The following LPL variants were observed in gnomAD, a reference collection of about 807,000 sequenced individuals.
LPL encodes lipoprotein lipase, also known as phospholipase A1.
Under a neutral mutation model 52.2 loss-of-function variants are expected in LPL, and 43 were observed. That is an observed-to-expected ratio of 0.82 (90% confidence interval 0.64 to 1.06). The LOEUF (loss-of-function observed/expected upper bound fraction) is 1.06, where lower values mean the gene tolerates loss of function less well. Ranked by LOEUF, LPL falls within the 50% of genes least tolerant of loss-of-function variation. The probability of loss-of-function intolerance (pLI) is 0.00; values close to 1 mark genes in which losing one functional copy is unlikely to be tolerated. For missense variants in LPL, 639 were observed against 585.3 expected (o/e 1.09, Z -0.95); for synonymous variants, 244 against 215.6 (o/e 1.13, Z -1.15).
rs1483010243 is a variant in LPL, at chr8:19,966,124, A to G, written c.*814A>G. On this transcript the variant is annotated 3_prime_UTR_variant, in exon 10 of 10. Coordinates refer to ENST00000650287, the MANE Select transcript of LPL (RefSeq NM_000237.3). ...CTGACACATAATTTGAATGGTGCAG[A>G]AAAAAAAAAAGAAACCGTAATTTTA... The G allele has an allele frequency of 1.4e-5, 2 of 147,324 alleles. No individual in the cohort carries two copies. Among genetic ancestry groups the G allele is most frequent in the Admixed American group, 6.8e-5 (1 of 14,724 alleles). 9.1% of individuals were successfully genotyped at this position (147,324 alleles called of 1,614,324 possible). A position where few individuals can be genotyped will look rare whatever the true frequency, so the allele number is the denominator to read the frequency against.
At position 19,965,338 on chromosome 8, in the gene LPL, C is replaced by G; in HGVS notation, c.*28C>G. On this transcript the variant is annotated 3_prime_UTR_variant, in exon 10 of 10. Coordinates refer to ENST00000650287, the MANE Select transcript of LPL (RefSeq NM_000237.3). ...CTGGGCGAATCTACAGAACAAAGAA[C>G]GGCATGTGAATTCTGTGAAGAATGA... 2.6e-6 allele frequency: 2 copies of G among 780,442 alleles called. No homozygotes were observed. Among genetic ancestry groups the G allele is most frequent in the Non-Finnish European group, 4.8e-6 (2 of 417,844 alleles). 48.3% of individuals were successfully genotyped at this position (780,442 alleles called of 1,614,324 possible).
intron 3 of LPL, among the ~76,000 whole-genome samples, chr8:19,952,731 C>A (rs2069946521): frequency 6.6e-6 from 1 of 152,144 alleles, no homozygotes; most frequent in Non-Finnish European, 1.5e-5. Flanking sequence ...GGCTTCTCAC[C>A]TGTTAAATGA....
chr8:19,958,224 G>A (rs1333164695), intron 6 of LPL, among the ~76,000 whole-genome samples: 1 of 152,046 alleles, frequency 6.6e-6, no homozygotes, highest in Non-Finnish European at 1.5e-5. Context: ...GTTTCACCAT[G>A]TTGGCCAAGC....
chr8:19,947,132 A>T (rs2069888054), intron 1 of LPL, among the ~76,000 whole-genome samples: 1 of 152,216 alleles, frequency 6.6e-6, no homozygotes, highest in Non-Finnish European at 1.5e-5. Context: ...ATATCTTGCC[A>T]TAGGAGTGGG....
chr8:19,946,222 GA>G (rs1326817782), intron 1 of LPL, among the ~76,000 whole-genome samples: 2 of 152,222 alleles, frequency 1.3e-5, no homozygotes, highest in African/African-American at 4.8e-5. Context: ...AGTTTAGCAA[GA>G]CTCTTATTTG....
At chr8:19,940,151 A>AGTCCTGGGGACGCGGC in intron 1 of LPL, among the ~76,000 whole-genome samples, 1 of 152,298 alleles carries the variant, frequency 6.6e-6, no homozygotes, top group African/African-American at 2.4e-5. Flanking sequence ...CGTGGCGCGG[A>AGTCCTGGGGACGCGGC]GTCCTGGGGA....
intron 1 of LPL, among the ~76,000 whole-genome samples, chr8:19,945,233 C>A (rs1221909041): frequency 6.6e-6 from 1 of 152,068 alleles, no homozygotes; most frequent in South Asian, 2.1e-4. Flanking sequence ...TGCCCCACAG[C>A]CACATGGTCT....
At chr8:19,942,157 A>T (rs1375235819) in intron 1 of LPL, among the ~76,000 whole-genome samples, 1 of 152,056 alleles carries the variant, frequency 6.6e-6, no homozygotes, top group Non-Finnish European at 1.5e-5. Context: ...GCTTTCTTTC[A>T]GCAGCTTATT....
chr8:19,941,173 T>C (rs2069835869), intron 1 of LPL, among the ~76,000 whole-genome samples: 1 of 152,232 alleles, frequency 6.6e-6, no homozygotes, highest in Admixed American at 6.5e-5. Flanking sequence ...ATCTTTTCTA[T>C]TGGATCAGTT....
At chr8:19,957,687 G>C (rs569553267) in intron 6 of LPL, among the ~76,000 whole-genome samples, 1 of 152,074 alleles carries the variant, frequency 6.6e-6, no homozygotes, top group East Asian at 1.9e-4. Flanking sequence ...GCAGCTGTGG[G>C]GTTTTGTTGT....
chr8:19,946,125 G>C (rs2069879885), intron 1 of LPL, among the ~76,000 whole-genome samples: 1 of 152,140 alleles, frequency 6.6e-6, no homozygotes, highest in African/African-American at 2.4e-5. Context: ...TTCAAATAAA[G>C]ATGAGAAGTA....
chr8:19,955,980 T>C lies in LPL; in HGVS notation c.915T>C (p.Cys305=), dbSNP rs1414116962. 1 of 1,613,984 alleles carries C rather than the reference T, an allele frequency of 6.2e-7. No homozygotes were observed. Among genetic ancestry groups the C allele is most frequent in the African/African-American group, 1.3e-5 (1 of 74,888 alleles). ...EAFEKGLCLS[C]RKNRCNNLGY... ...TTGAGAAAGGGCTCTGCTTGAGTTG[T>C]AGAAAGAACCGCTGCAACAATCTGG... is the stretch of plus-strand genomic sequence containing the variant. The change falls in exon 6 of 10, where the codon TGT becomes TGC. Residue 305 remains cysteine (C), a synonymous_variant. Transcript: ENST00000650287.
At chr8:19,946,857 T>G (rs898060007) in intron 1 of LPL, among the ~76,000 whole-genome samples, 13 of 152,358 alleles carry the variant, frequency 8.5e-5, no homozygotes, top group African/African-American at 3.1e-4. Context: ...CCATGAAGAT[T>G]CAGCAGCATT....
At chr8:19,940,456 C>T (rs1056121617) in intron 1 of LPL, among the ~76,000 whole-genome samples, 1 of 152,198 alleles carries the variant, frequency 6.6e-6, no homozygotes, top group Non-Finnish European at 1.5e-5. Context: ...GTGGTCACCG[C>T]CGCCAGGGAA....
At chr8:19,953,512 A>C in intron 4 of LPL, 91 bp downstream of exon 4, 4 of 858,302 alleles carry the variant, frequency 4.7e-6, no homozygotes, top group Non-Finnish European at 5.9e-6. Flanking sequence ...AAATACCCAC[A>C]TGTGTGGTGT....
rs1225124854 is a variant in LPL, at chr8:19,939,683, T to A, written c.88+155T>A. On this transcript the variant is annotated intron_variant, in intron 1 of 9. Transcript: ENST00000650287. The surrounding 1 kb of genome is among the most constrained non-coding windows in gnomAD (Gnocchi z 4.0). ...TCTAGCCCCGAAACGGTCCCCGGAG[T>A]GGGATCCAGGAGGGGCCGGGAGGGA... Among the ~76,000 whole-genome samples the A allele has an allele frequency of 1.3e-5, 2 of 151,776 alleles. No individual in the cohort carries two copies. Among genetic ancestry groups the A allele is most frequent in the African/African-American group, 4.8e-5 (2 of 41,328 alleles).
At chr8:19,945,119 A>G (rs1403346053) in intron 1 of LPL, among the ~76,000 whole-genome samples, 1 of 152,172 alleles carries the variant, frequency 6.6e-6, no homozygotes, top group Non-Finnish European at 1.5e-5. Flanking sequence ...TATTATTTCC[A>G]TGTATGGAAA....
At chr8:19,948,430 G>A (rs546336943) in intron 2 of LPL, 90 bp downstream of exon 2, 34 of 1,383,326 alleles carry the variant, frequency 2.5e-5, no homozygotes, top group Admixed American at 1.2e-4. Flanking sequence ...TGATGGGTCC[G>A]CACCCCACAT....
chr8:19,947,656 A>ACCCCCCCCCCCCC (rs11320112), intron 1 of LPL, among the ~76,000 whole-genome samples: 1 of 69,592 alleles, frequency 1.4e-5, no homozygotes. Flanking sequence ...AAACAAAACA[A>ACCCCCCCCCCCCC]CCCCCCCCCC....
Sources: gnomAD v4.1 joint callset for allele counts (sites outside exome capture counted in the v4.1 genomes callset) on GRCh38, gnomAD v4.1.1 for gene constraint, Gnocchi (gnomAD v3.1) non-coding constraint, MANE v1.5 for transcripts, NCBI Gene and HGNC (gene_info 2026-07-23, HGNC 2026-07-21) for gene names.